Variants in DSG4 observed in about 807,000 individuals in gnomAD.
The protein encoded by DSG4 is desmoglein 4.
Under a neutral mutation model 93.1 loss-of-function variants are expected in DSG4, and 87 were observed. That is an observed-to-expected ratio of 0.93 (90% CI 0.79 to 1.12). The LOEUF (loss-of-function observed/expected upper bound fraction) is 1.12. DSG4 is among the 50% of genes most tolerant of loss of function. The probability of loss-of-function intolerance (pLI) is 0.00; values close to 1 mark genes in which losing one functional copy is unlikely to be tolerated. For missense variants in DSG4, 1,373 were observed against 1,285.7 expected (o/e 1.07, Z -1.04); for synonymous variants, 432 against 452.9 (o/e 0.95, Z 0.59).
At chr18:31,386,041 C>T (rs898756478) in intron 2 of DSG4, among the ~76,000 whole-genome samples, 57 of 152,066 alleles carry the variant, frequency 3.7e-4, no homozygotes, top group African/African-American at 8.4e-4. Flanking sequence ...CTTAAGGCTA[C>T]GAAAGAAAAA....
At position 31,409,563 on chromosome 18, in the gene DSG4, G is replaced by A. The variant is rs141527195; in HGVS notation, c.2045G>A (p.Arg682Lys). Residue 682 changes from arginine to lysine, a missense_variant, in exon 13 of 16, where the codon AGA becomes AAA. By Grantham distance (26) the Arg-to-Lys change is conservative. Transcript: ENST00000308128. ...EGGEGVMQSW[R>K]IEGAHPEDRD... ...GGAGAAGGAGTGATGCAGTCTTGGA[G>A]AATTGAAGGGGCCCATCCCGAGGAC... 47 of 1,614,086 alleles carry A rather than the reference G, an allele frequency of 2.9e-5. No homozygotes were observed. Among genetic ancestry groups the A allele is most frequent in the Non-Finnish European group, 3.5e-5 (41 of 1,180,052 alleles).
intron 7 of DSG4, among the ~76,000 whole-genome samples, chr18:31,391,756 C>T (rs2072252525): frequency 6.6e-6 from 1 of 152,032 alleles, no homozygotes; most frequent in South Asian, 2.1e-4. Context: ...GGGCTTTGTG[C>T]TGCAACAGCA....
chr18:31,396,481 A>G (rs2072307338), intron 8 of DSG4, among the ~76,000 whole-genome samples: 1 of 148,004 alleles, frequency 6.8e-6, no homozygotes. Context: ...CAGCCTCCGG[A>G]GTAGCTGGGA....
At chr18:31,395,072 T>C (rs1016811161) in intron 8 of DSG4, among the ~76,000 whole-genome samples, 1 of 152,178 alleles carries the variant, frequency 6.6e-6, no homozygotes. Context: ...AATTTGAGAA[T>C]AGTATTGATG....
intron 14 of DSG4, 91 bp downstream of exon 14, chr18:31,409,899 T>C: frequency 7.1e-7 from 1 of 1,411,094 alleles, no homozygotes; most frequent in South Asian, 1.2e-5. Context: ...TATGGAAAAG[T>C]CTGTCAGTCT....
intron 5 of DSG4, 93 bp downstream of exon 5, chr18:31,389,111 A>T (rs1598738767): frequency 6.9e-7 from 1 of 1,455,960 alleles, no homozygotes; most frequent in East Asian, 2.3e-5. Flanking sequence ...AATGTAAAGG[A>T]CAGAAAAAGC....
At chr18:31,388,582 A>G (rs1227854549) in intron 4 of DSG4, 60 bp downstream of exon 4, 7 of 1,595,036 alleles carry the variant, frequency 4.4e-6, no homozygotes, top group Admixed American at 3.4e-5. Context: ...TTTTCAAAAA[A>G]TATTATCTTA....
Position 31,391,659 on chromosome 18 carries a change from G to A in DSG4, c.819+447G>A, listed in dbSNP as rs189001705. On this transcript the variant is annotated intron_variant, in intron 7 of 15. Transcript: ENST00000308128. ...CCAAATCTGGCTTGCTGTCTGTTTC[G>A]GTTTAAAAAAAAAAACAAAAAAACA... is the stretch of plus-strand genomic sequence containing the variant. Among the ~76,000 whole-genome samples, 529 of 150,558 alleles carry A rather than the reference G, an allele frequency of 3.5e-3. 6 individuals are homozygous for A. Among genetic ancestry groups the A allele is most frequent in the South Asian group, 0.011 (51 of 4,790 alleles).
At chr18:31,411,199 A>C in intron 14 of DSG4, 32 bp from the exon 15 acceptor site, 1 of 1,614,240 alleles carries the variant, frequency 6.2e-7, no homozygotes, top group Non-Finnish European at 8.5e-7. Context: ...AGGCAACTCC[A>C]GCGCTGTTAA....
intron 12 of DSG4, 86 bp from the exon 13 acceptor site, chr18:31,409,366 A>C: frequency 6.2e-7 from 1 of 1,601,082 alleles, no homozygotes. Flanking sequence ...ATATACTGCC[A>C]CCAAATGCTC....
At chr18:31,399,594 A>T (rs1010990909) in intron 9 of DSG4, 51 bp downstream of exon 9, 1 of 1,609,762 alleles carries the variant, frequency 6.2e-7, no homozygotes, top group African/African-American at 1.3e-5. Flanking sequence ...GTGTTAATTC[A>T]TGTAGCATGC....
chr18:31,389,019 G>T lies in DSG4; in HGVS notation c.517+1G>T. 1 of 1,612,932 alleles carries T rather than the reference G, an allele frequency of 6.2e-7. No homozygotes were observed. Among genetic ancestry groups the T allele is most frequent in the African/African-American group, 1.3e-5 (1 of 74,988 alleles). On this transcript the variant is annotated splice_donor_variant, in intron 5 of 15. Transcript: ENST00000308128. LOFTEE classifies it high-confidence loss of function. ...AGCATTGAAGAAAATAGTGATGCCA[G>T]TAAGTAGAATGACATTCCTTCTCTA...
rs748276600 is a variant in DSG4, at chr18:31,409,758, T to C, written c.2087T>C (p.Ile696Thr). ...AHPEDRDVSN[I>T]CAPMTASNTQ... ...TTTTCTTTTCAGGATGTGTCAAATA[T>C]ATGTGCACCCATGACAGCCTCAAAT... Residue 696 changes from isoleucine to threonine, a missense_variant, in exon 14 of 16, where the codon ATA (isoleucine) becomes ACA (threonine). Ile to Thr is a moderately conservative substitution (Grantham distance 89). Coordinates refer to ENST00000308128, the MANE Select transcript of DSG4 (RefSeq NM_177986.5). 4.3e-6 allele frequency: 7 copies of C among 1,614,212 alleles called. No homozygotes were observed. In the East Asian group the frequency reaches 1.6e-4, roughly 36 times the overall value.
At chr18:31,384,960 T>C (rs1390924455) in intron 1 of DSG4, among the ~76,000 whole-genome samples, 176 bp from the exon 2 acceptor site, 1 of 152,176 alleles carries the variant, frequency 6.6e-6, no homozygotes, top group Non-Finnish European at 1.5e-5. Context: ...AAAATGTAAA[T>C]ACTTTGGAGG....
Position 31,409,484 on chromosome 18 carries a change from A to G in DSG4, c.1966A>G (p.Lys656Glu). ...ACTCTTGCTGCTCCTGTGTTGCTGC[A>G]AACAGAGACAGCCAGAAGGCCTGGG... is the stretch of plus-strand genomic sequence containing the variant. ...APLLLLLCCC[K>E]QRQPEGLGTR... Residue 656 changes from lysine (K) to glutamate (E), a missense_variant, in exon 13 of 16, where the codon AAA becomes GAA. By Grantham distance (56) the Lys-to-Glu change is moderately conservative (BLOSUM62 1). Coordinates refer to ENST00000308128, the MANE Select transcript of DSG4 (RefSeq NM_177986.5). The G allele has an allele frequency of 1.9e-6, 3 of 1,614,146 alleles. No individual in the cohort carries two copies. Among genetic ancestry groups the G allele is most frequent in the Non-Finnish European group, 2.5e-6 (3 of 1,180,026 alleles).
At chr18:31,380,852 T>C (rs2072126117) in intron 1 of DSG4, among the ~76,000 whole-genome samples, 2 of 152,286 alleles carry the variant, frequency 1.3e-5, no homozygotes, top group East Asian at 1.9e-4. Flanking sequence ...GAATAATATC[T>C]ATTCCAGTAT....
Position 31,392,293 on chromosome 18 carries a change from A to T in DSG4, c.958A>T (p.Ile320Phe). ...LSGNDGNWFD[I>F]QTDPQTNEGI... ...TGGAAATGATGGGAATTGGTTCGAT[A>T]TTCAAACAGATCCACAAACCAATGA... Residue 320 changes from isoleucine (I) to phenylalanine (F), a missense_variant, in exon 8 of 16, where the codon ATT becomes TTT. Coordinates refer to ENST00000308128, the MANE Select transcript of DSG4 (RefSeq NM_177986.5). 6.2e-7 allele frequency: 1 copy of T among 1,613,808 alleles called. No individual in the cohort carries two copies. The highest frequency in any genetic ancestry group is 8.5e-7 in the Non-Finnish European group (1 of 1,179,838).
rs1014138411 is a variant in DSG4, at chr18:31,400,300, C to T, written c.1278-581C>T. 5.9e-5 allele frequency among the ~76,000 whole-genome samples: 9 copies of T among 152,228 alleles called. No homozygotes were observed. The East Asian group carries it at 1.4e-3, about 23-fold the overall frequency. On this transcript the variant is annotated intron_variant, in intron 9 of 15. Coordinates refer to ENST00000308128, the MANE Select transcript of DSG4 (RefSeq NM_177986.5). ...GACGCAAAAAAACCTGTGAAGTCTG[C>T]CAGGATGGGTGGAGGTAAAAGCAGT...
intron 2 of DSG4, among the ~76,000 whole-genome samples, chr18:31,385,379 G>A (rs746165313): frequency 6.6e-6 from 1 of 152,156 alleles, no homozygotes; most frequent in Non-Finnish European, 1.5e-5. Flanking sequence ...ACAGCTTAGT[G>A]TCTTAGTAAC....
Sources: gnomAD v4.1 joint callset for allele counts (sites outside exome capture counted in the v4.1 genomes callset) on GRCh38, gnomAD v4.1.1 for gene constraint, MANE v1.5 for transcripts, NCBI Gene and HGNC (gene_info 2026-07-23, HGNC 2026-07-21) for gene names.